Variants in ARMC10 observed in about 807,000 individuals in gnomAD.
ARMC10 encodes the protein armadillo repeat containing 10.
In ARMC10, 23 loss-of-function variants were observed where a neutral mutation model predicts 30.2. The observed-to-expected ratio is 0.76, with a 90% CI of 0.55 to 1.08. ARMC10 has a LOEUF of 1.08. Ranked by LOEUF, ARMC10 falls within the 50% of genes least tolerant of loss-of-function variation. The pLI is 0.00. For synonymous variants in ARMC10, 111 were observed against 164.4 expected (o/e 0.68, Z 2.48); for missense variants, 303 against 413.7 (o/e 0.73, Z 2.32).
chr7:103,090,728 T>TAAAAAAAAAA (rs34277044), intron 4 of ARMC10, among the ~76,000 whole-genome samples: 2 of 140,922 alleles, frequency 1.4e-5, no homozygotes, highest in African/African-American at 5.5e-5. Context: ...AACCCATTTC[T>TAAAAAAAAAA]AAAAAAAAAA....
rs746889957 is a variant in ARMC10 at position 103,092,527 on chromosome 7, T to C, written c.579T>C (p.Ser193=). The part of the protein sequence containing the change: ...CEDVFSGPLN[S]AVQLAGLTLL... ...ATGTCTTCTCTGGTCCTCTGAACTC[T>C]GCTGTGCAGCTGGCTGGACTGACAT... The change falls in exon 5 of 7, where the codon TCT becomes TCC. Residue 193 remains serine, a synonymous_variant. Transcript: ENST00000323716. The C allele has an allele frequency of 2.5e-6, 4 of 1,608,856 alleles. No individual in the cohort carries two copies. The highest frequency in any genetic ancestry group is 1.7e-5 in the Admixed American group (1 of 59,934).
Position 103,099,252 on chromosome 7 carries a change from C to T in ARMC10, c.*699C>T, listed in dbSNP as rs1224215941. The T allele has an allele frequency of 4.0e-5, 6 of 148,690 alleles. No homozygotes were observed. The highest frequency in any genetic ancestry group is 1.5e-4 in the African/African-American group (6 of 40,654). 9.2% of individuals were successfully genotyped at this position (148,690 alleles called of 1,614,324 possible). A position where few individuals can be genotyped will look rare whatever the true frequency, so the allele number is the denominator to read the frequency against. On this transcript the variant is annotated 3_prime_UTR_variant, in exon 7 of 7. Coordinates refer to ENST00000323716, the MANE Select transcript of ARMC10 (RefSeq NM_031905.5). ...TTGGGAGGCTGAGGCGGGCAGATCA[C>T]CTGAGATCGGGAGTTTGAGACCAAG...
chr7:103,097,377 AT>A, intron 6 of ARMC10, 29 bp downstream of exon 6: 2 of 1,396,220 alleles, frequency 1.4e-6, no homozygotes, highest in Non-Finnish European at 2.0e-6. Context: ...TATTTTGTAA[AT>A]ATACACATAT....
Position 103,098,459 on chromosome 7 carries a change from A to G in ARMC10, c.938A>G (p.His313Arg), listed in dbSNP as rs149661299. 3,465 of 1,613,190 alleles carry G rather than the reference A, an allele frequency of 2.1e-3. 7 individuals carry two copies. The highest frequency in any genetic ancestry group is 2.2e-3 in the Non-Finnish European group (2,591 of 1,179,604). The change falls in exon 7 of 7, where the codon CAT (histidine) becomes CGT (arginine). Residue 313 changes from histidine (H) to arginine (R), a missense_variant. Transcript: ENST00000323716. ...FTEGSLFFLL[H>R]GEECAQKIRA... ...GAAGGTTCATTGTTTTTCCTGTTAC[A>G]TGGAGAAGAATGTGCCCAGAAAATA...
intron 4 of ARMC10, among the ~76,000 whole-genome samples, chr7:103,087,152 A>G (rs149304783): frequency 1.2e-3 from 181 of 152,358 alleles, no homozygotes; most frequent in African/African-American, 4.1e-3. Context: ...CCGATGCTAC[A>G]TATTCATAAA....
intron 4 of ARMC10, among the ~76,000 whole-genome samples, chr7:103,088,443 T>C (rs1305097491): frequency 6.6e-6 from 1 of 152,194 alleles, no homozygotes; most frequent in Admixed American, 6.5e-5. Flanking sequence ...ACTAGCATGC[T>C]ATTTTGTACT....
intron 2 of ARMC10, among the ~76,000 whole-genome samples, chr7:103,082,742 AGT>A (rs1800500367): frequency 6.6e-6 from 1 of 151,836 alleles, no homozygotes; most frequent in Non-Finnish European, 1.5e-5. Flanking sequence ...CCCCAGTAAG[AGT>A]GTTATAAAAT....
intron 2 of ARMC10, among the ~76,000 whole-genome samples, chr7:103,076,255 T>C (rs1388878423): frequency 6.6e-6 from 1 of 152,220 alleles, no homozygotes; most frequent in Admixed American, 6.5e-5. Context: ...AATTTGTCCT[T>C]AGGTAAGAGG....
chr7:103,099,710 A>G lies in ARMC10; in HGVS notation c.*1157A>G, dbSNP rs1802110408. ...ACTGTTCTACTGTTTGAATTTTTTA[A>G]TATGAGCCCAAATTGTATAATCTTT... On this transcript the variant is annotated 3_prime_UTR_variant, in exon 7 of 7. Transcript: ENST00000323716. 2 of 151,672 alleles carry G rather than the reference A, an allele frequency of 1.3e-5. No individual in the cohort carries two copies. Among genetic ancestry groups the G allele is most frequent in the South Asian group, 4.2e-4 (2 of 4,792 alleles). The allele number at this position is 151,672 out of a possible 1,614,324, so 9.4% of individuals were successfully genotyped here.
chr7:103,094,803 C>A (rs1202487070), intron 5 of ARMC10, among the ~76,000 whole-genome samples: 1 of 152,152 alleles, frequency 6.6e-6, no homozygotes, highest in East Asian at 1.9e-4. Flanking sequence ...TTAATAGCAT[C>A]TCTTTGAAAA....
Position 103,075,873 on chromosome 7 carries a change from C to A in ARMC10, c.236C>A (p.Ser79Ter), listed in dbSNP as rs866021022. ...GTWESQWSKT[S>*]QPEDLTDGSY... is the part of the protein sequence containing the mutation. ...TGGGAGTCACAGTGGTCCAAGACCT[C>A]GCAGCCTGGTGTGTGTTTTGGAAAT... Residue 79 changes from serine (S) to a stop codon, truncating the protein, a stop_gained, in exon 2 of 7, where the codon TCG becomes TAG. Transcript: ENST00000323716. LOFTEE classifies it high-confidence loss of function. 1 of 1,598,532 alleles carries A rather than the reference C, an allele frequency of 6.3e-7. No homozygotes were observed. Among genetic ancestry groups the A allele is most frequent in the Non-Finnish European group, 8.5e-7 (1 of 1,171,612 alleles).
intron 4 of ARMC10, among the ~76,000 whole-genome samples, chr7:103,089,961 A>C (rs932677046): frequency 9.9e-5 from 15 of 152,218 alleles, no homozygotes; most frequent in Non-Finnish European, 2.1e-4. Flanking sequence ...GAACATAATG[A>C]AGTCCTTTAA....
chr7:103,081,540 T>C (rs1800383668), intron 2 of ARMC10, among the ~76,000 whole-genome samples: 1 of 152,006 alleles, frequency 6.6e-6, no homozygotes, highest in South Asian at 2.1e-4. Flanking sequence ...GCCTGGCTAA[T>C]TTTTTTCTGT....
chr7:103,083,958 C>T lies in ARMC10; in HGVS notation c.393+128C>T. ...CATCTGTGCAATGTGGCTACTTATA[C>T]TTAAAACATAATGTTTGTTTACTTC... On this transcript the variant is annotated intron_variant, in intron 3 of 6. Coordinates refer to ENST00000323716, the MANE Select transcript of ARMC10 (RefSeq NM_031905.5). 11 of 1,471,428 alleles carry T rather than the reference C, an allele frequency of 7.5e-6. No individual in the cohort carries two copies. The South Asian group carries it at 1.3e-4, about 17-fold the overall frequency. 91.1% of individuals were successfully genotyped at this position (1,471,428 alleles called of 1,614,324 possible). A position where few individuals can be genotyped will look rare whatever the true frequency, so the allele number is the denominator to read the frequency against.
At chr7:103,084,075 A>C (rs1334693874) in intron 3 of ARMC10, 8 of 1,457,354 alleles carry the variant, frequency 5.5e-6, no homozygotes, top group Non-Finnish European at 6.4e-6. Context: ...AAGTATATCT[A>C]ATCAACGTTT....
At chr7:103,081,906 A>G (rs1458837325) in intron 2 of ARMC10, 4 of 456,560 alleles carry the variant, frequency 8.8e-6, no homozygotes, top group African/African-American at 2.0e-5. Context: ...ACCCCCAAAA[A>G]TAGTAAGTGA....
intron 2 of ARMC10, among the ~76,000 whole-genome samples, chr7:103,077,814 T>C (rs1247729592): frequency 6.6e-6 from 1 of 152,244 alleles, no homozygotes; most frequent in African/African-American, 2.4e-5. Flanking sequence ...ATCTGATGAA[T>C]GTGGACAGTC....
chr7:103,095,835 C>CA lies in ARMC10; in HGVS notation c.706-1436dup, dbSNP rs1190926810. ...CATTCTCAGTAAACTATCGCAAGAA[C>CA]AAAAAACCAAACACTGTATATTCTC... On this transcript the variant is annotated intron_variant, in intron 5 of 6. Coordinates refer to ENST00000323716, the MANE Select transcript of ARMC10 (RefSeq NM_031905.5). 5 of 144,120 alleles carry CA rather than the reference C, an allele frequency of 3.5e-5. No homozygotes were observed. In the Admixed American group the frequency reaches 3.7e-4, roughly 11 times the overall value. 8.9% of individuals were successfully genotyped at this position (144,120 alleles called of 1,614,324 possible).
chr7:103,097,054 C>G (rs1371467248), intron 5 of ARMC10: 2 of 566,638 alleles, frequency 3.5e-6, no homozygotes, highest in Non-Finnish European at 6.3e-6. Context: ...TAACACTGTT[C>G]TATGATAGGT....
Sources: allele counts gnomAD v4.1 joint callset (sites outside exome capture counted in the v4.1 genomes callset), GRCh38; gene constraint gnomAD v4.1.1; transcripts MANE v1.5; gene names NCBI Gene and HGNC (gene_info 2026-07-23, HGNC 2026-07-21).